Variants in MYO3A observed in about 807,000 individuals in gnomAD.
The protein encoded by MYO3A is myosin-IIIa.
In MYO3A, 180 loss-of-function variants were observed where a neutral mutation model predicts 192.7. That is an observed-to-expected ratio of 0.93 (90% confidence interval 0.83 to 1.06). MYO3A has a LOEUF of 1.06. MYO3A is among the 50% of genes least tolerant of loss of function. The pLI is 0.00. For synonymous variants in MYO3A, 628 were observed against 645.3 expected, an observed-to-expected ratio of 0.97 and a Z score of 0.41; for missense variants, 1,896 against 1,905.0, an observed-to-expected ratio of 1.00 and a Z score of 0.09.
chr10:26,090,308 A>T (rs1162605105), intron 15 of MYO3A, among the ~76,000 whole-genome samples: 1 of 152,210 alleles, frequency 6.6e-6, no homozygotes, highest in Non-Finnish European at 1.5e-5. Flanking sequence ...GGAGTTACAC[A>T]ATGAGGCCCT....
chr10:26,092,428 T>G (rs1472632142), intron 15 of MYO3A, among the ~76,000 whole-genome samples: 1 of 150,844 alleles, frequency 6.6e-6, no homozygotes. Flanking sequence ...ATCGTGCCAC[T>G]GCACTCCAGC....
chr10:26,096,879 A>AT (rs1280115724), intron 17 of MYO3A, among the ~76,000 whole-genome samples, 197 bp downstream of exon 17: 1 of 151,478 alleles, frequency 6.6e-6, no homozygotes, highest in African/African-American at 2.4e-5. Context: ...ATTGAATTTC[A>AT]TTTTGTTCTT....
chr10:26,076,983 G>A (rs1835617185), intron 14 of MYO3A, among the ~76,000 whole-genome samples: 1 of 151,810 alleles, frequency 6.6e-6, no homozygotes, highest in Non-Finnish European at 1.5e-5. Flanking sequence ...TGTGGGCTCT[G>A]TTTTGGTTGC....
intron 14 of MYO3A, among the ~76,000 whole-genome samples, chr10:26,080,457 A>G (rs897046910): frequency 2.0e-5 from 3 of 149,884 alleles, no homozygotes; most frequent in Non-Finnish European, 4.4e-5. Context: ...ATTTCCTTGT[A>G]TTGAGCTTCA....
chr10:26,125,747 A>T, intron 19 of MYO3A, 139 bp downstream of exon 19: 1 of 813,682 alleles, frequency 1.2e-6, no homozygotes, highest in South Asian at 1.7e-5. Context: ...ATAATTTAGT[A>T]GATAAGCTTC....
At chr10:26,035,941 T>G (rs2131182430) in intron 10 of MYO3A, among the ~76,000 whole-genome samples, 1 of 147,402 alleles carries the variant, frequency 6.8e-6, no homozygotes, top group East Asian at 2.0e-4. Flanking sequence ...TGCCTAAGAC[T>G]TTTTTTTTTT....
At chr10:26,178,446 G>A (rs1397865893) in intron 31 of MYO3A, among the ~76,000 whole-genome samples, 1 of 151,978 alleles carries the variant, frequency 6.6e-6, no homozygotes, top group Non-Finnish European at 1.5e-5. Flanking sequence ...CAGCTACTCT[G>A]GAGGCTGAGG....
chr10:26,045,379 T>C (rs1311825610), intron 10 of MYO3A, among the ~76,000 whole-genome samples: 1 of 139,844 alleles, frequency 7.2e-6, no homozygotes, highest in East Asian at 2.1e-4. Context: ...GATAGATAGA[T>C]AGATAGATAG....
At position 26,143,574 on chromosome 10, in the gene MYO3A, C is replaced by T; in HGVS notation, c.2389C>T (p.Pro797Ser). 1.2e-6 allele frequency: 2 copies of T among 1,614,016 alleles called. No homozygotes were observed. The highest frequency in any genetic ancestry group is 2.2e-5 in the South Asian group (2 of 91,072). Residue 797 changes from proline to serine, a missense_variant, in exon 21 of 35, where the codon CCC (proline) becomes TCC (serine). Coordinates refer to ENST00000642920, the MANE Select transcript of MYO3A (RefSeq NM_017433.5). ...LSLLDEESRF[P>S]KATDQTLVEK... ...CCTACTTGATGAAGAAAGTAGATTT[C>T]CCAAGGCCACTGACCAGACTCTTGT...
chr10:26,082,876 C>T (rs1836055967), intron 14 of MYO3A, among the ~76,000 whole-genome samples: 1 of 152,040 alleles, frequency 6.6e-6, no homozygotes, highest in South Asian at 2.1e-4. Flanking sequence ...AATCAGAAAA[C>T]ATTTTCTGTT....
At chr10:26,019,943 C>T (rs1453865510) in intron 7 of MYO3A, among the ~76,000 whole-genome samples, 1 of 152,188 alleles carries the variant, frequency 6.6e-6, no homozygotes, top group Non-Finnish European at 1.5e-5. Flanking sequence ...GCAGTTCACT[C>T]TCATGTGATA....
At chr10:26,014,649 C>T (rs1841882177) in intron 6 of MYO3A, among the ~76,000 whole-genome samples, 1 of 152,034 alleles carries the variant, frequency 6.6e-6, no homozygotes, top group Non-Finnish European at 1.5e-5. Context: ...CATGGCCCTC[C>T]CAAGTTGACA....
At chr10:26,103,182 C>T (rs1447004296) in intron 17 of MYO3A, among the ~76,000 whole-genome samples, 1 of 152,232 alleles carries the variant, frequency 6.6e-6, no homozygotes, top group Admixed American at 6.5e-5. Context: ...ATGGAACCCT[C>T]CGGGCCATGT....
intron 14 of MYO3A, among the ~76,000 whole-genome samples, chr10:26,075,125 C>G (rs1430940658): frequency 1.3e-5 from 2 of 152,076 alleles, no homozygotes; most frequent in Non-Finnish European, 2.9e-5. Context: ...CAGTACCATA[C>G]TGCTTTTATT....
chr10:26,136,659 G>T (rs910555245), intron 20 of MYO3A, among the ~76,000 whole-genome samples: 8 of 152,298 alleles, frequency 5.3e-5, no homozygotes, highest in African/African-American at 1.9e-4. Context: ...TGAGGATGTA[G>T]TCAGCCTACT....
chr10:26,157,019 A>G (rs977452546), intron 25 of MYO3A, among the ~76,000 whole-genome samples: 1 of 152,242 alleles, frequency 6.6e-6, no homozygotes, highest in African/African-American at 2.4e-5. Context: ...AACTACATCA[A>G]AAATAATTTT....
chr10:26,007,225 C>T (rs1564453310), intron 6 of MYO3A, among the ~76,000 whole-genome samples: 2 of 150,250 alleles, frequency 1.3e-5, no homozygotes, highest in East Asian at 1.9e-4. Flanking sequence ...ATTGATTGGA[C>T]GTGTCTCAAA....
At chr10:25,965,949 G>GTT (rs925416760) in intron 4 of MYO3A, among the ~76,000 whole-genome samples, 22 of 145,456 alleles carry the variant, frequency 1.5e-4, no homozygotes, top group African/African-American at 4.4e-4. Flanking sequence ...ATTCAGAACT[G>GTT]TTTTTTTTTT....
intron 2 of MYO3A, among the ~76,000 whole-genome samples, chr10:25,944,686 T>C (rs1165815379): frequency 6.6e-6 from 1 of 152,060 alleles, no homozygotes; most frequent in Non-Finnish European, 1.5e-5. Context: ...TCCAATTTGT[T>C]GGCATACAAA....
Sources: allele counts gnomAD v4.1 joint callset (sites outside exome capture counted in the v4.1 genomes callset), GRCh38; gene constraint gnomAD v4.1.1; transcripts MANE v1.5; gene names NCBI Gene and HGNC (gene_info 2026-07-23, HGNC 2026-07-21).